Variants in SGCD observed in about 807,000 individuals in gnomAD.
The protein encoded by SGCD is delta-sarcoglycan.
In SGCD, 18 loss-of-function variants were observed where a neutral mutation model predicts 36.6. That is an observed-to-expected ratio of 0.49 (90% CI 0.34 to 0.73). The LOEUF is 0.73. Among genes scored for constraint, SGCD ranks in the 30% least tolerant of loss-of-function variants. The pLI, the probability that SGCD is intolerant of heterozygous loss-of-function variation, is 0.01. For synonymous variants in SGCD, 133 were observed against 130.6 expected, an observed-to-expected ratio of 1.02 and a Z score of -0.12; for missense variants, 387 against 346.7, an observed-to-expected ratio of 1.12 and a Z score of -0.92.
intron 1 of SGCD, among the ~76,000 whole-genome samples, chr5:155,909,763 A>G (rs1157323291): frequency 6.6e-6 from 1 of 152,170 alleles, no homozygotes; most frequent in Admixed American, 6.6e-5. Context: ...AATATATTAA[A>G]ATTCTTACTG....
the SGCD span, among the ~76,000 whole-genome samples, chr5:155,844,141 G>A: frequency 3.3e-5 from 5 of 151,940 alleles, no homozygotes; most frequent in African/African-American, 1.2e-4. Context: ...GCTTGTGAAG[G>A]CCTCACACTT....
Position 156,105,724 on chromosome 5 carries a change from C to T in SGCD, c.-281-12154C>T, listed in dbSNP as rs140129076. On this transcript the variant is annotated intron_variant, in intron 1 of 9. Transcript: ENST00000517913. ...TTTTAAATTGTTTTTCTGGTTTCTCCGTCTTAAATTTAGGACAGTGTGAAG... is the reference window on the plus strand; with the variant it reads ...TTTTAAATTGTTTTTCTGGTTTCTCTGTCTTAAATTTAGGACAGTGTGAAG... 1.1e-4 allele frequency among the ~76,000 whole-genome samples: 17 copies of T among 152,142 alleles called. No homozygotes were observed. The East Asian group carries it at 2.9e-3, about 26-fold the overall frequency.
intron 1 of SGCD, among the ~76,000 whole-genome samples, chr5:156,065,506 T>A (rs1250216968): frequency 7.7e-5 from 6 of 77,678 alleles, no homozygotes; most frequent in African/African-American, 4.3e-4. Context: ...ACTTTCTGTC[T>A]CGTTGATCTG....
chr5:156,124,779 G>A (rs569782064), intron 3 of SGCD, among the ~76,000 whole-genome samples: 4 of 152,056 alleles, frequency 2.6e-5, no homozygotes, highest in Admixed American at 2.6e-4. Flanking sequence ...GGAGGGAGGG[G>A]AGAGAGAGAA....
chr5:155,986,546 C>T (rs556756441), intron 1 of SGCD, among the ~76,000 whole-genome samples: 1 of 152,178 alleles, frequency 6.6e-6, no homozygotes, highest in South Asian at 2.1e-4. Context: ...CCTGGAACAA[C>T]CCAGGCACCA....
intron 3 of SGCD, among the ~76,000 whole-genome samples, chr5:156,432,319 T>C (rs1283819102): frequency 6.6e-6 from 1 of 152,216 alleles, no homozygotes; most frequent in East Asian, 1.9e-4. Context: ...GGTGGTGGAA[T>C]TGGCTGTTAT....
chr5:156,220,578 T>C (rs1764693151), intron 3 of SGCD, among the ~76,000 whole-genome samples: 1 of 152,182 alleles, frequency 6.6e-6, no homozygotes, highest in African/African-American at 2.4e-5. Context: ...AAATCTCTCA[T>C]GGCCTCAGTC....
chr5:156,329,934 G>A (rs1039740471), intron 2 of SGCD, among the ~76,000 whole-genome samples: 1 of 147,310 alleles, frequency 6.8e-6, no homozygotes, highest in African/African-American at 2.5e-5. Flanking sequence ...GGAGAATGGC[G>A]TGAACCCGGA....
chr5:155,759,682 G>A, the SGCD span, among the ~76,000 whole-genome samples: 6 of 152,280 alleles, frequency 3.9e-5, no homozygotes, highest in East Asian at 7.7e-4. Context: ...GATGTTCACC[G>A]TCAGGAAGTA....
At position 156,589,303 on chromosome 5, in the gene SGCD, A is replaced by G; in HGVS notation, c.367A>G (p.Thr123Ala). 6.4e-7 allele frequency: 1 copy of G among 1,568,342 alleles called. No individual in the cohort carries two copies. The highest frequency in any genetic ancestry group is 1.9e-5 in the Admixed American group (1 of 53,140). ...NILNDQTKVL[T>A]QLITGPKAVE... ...TCTCAATGACCAGACTAAAGTGCTA[A>G]CTCAGCTTATAACAGGTAAGAAAAG... The change falls in exon 5 of 9, where the codon ACT becomes GCT. Residue 123 changes from threonine (T) to alanine (A), a missense_variant. Transcript: ENST00000337851.
At chr5:156,549,927 C>T (rs1434505802) in intron 4 of SGCD, among the ~76,000 whole-genome samples, 1 of 152,176 alleles carries the variant, frequency 6.6e-6, no homozygotes, top group Non-Finnish European at 1.5e-5. Flanking sequence ...CCCTTATCAA[C>T]ATAAAAATAA....
chr5:156,416,516 TA>T lies in SGCD; in HGVS notation c.192+71848del, dbSNP rs796185590. Among the ~76,000 whole-genome samples, 532 of 151,606 alleles carry T rather than the reference TA, an allele frequency of 3.5e-3. 2 individuals carry two copies. Among genetic ancestry groups the T allele is most frequent in the African/African-American group, 0.012 (501 of 41,386 alleles). ...CCTGTTCCCCAAAACACTACTGAAA[TA>T]AAAAAAAATTTTAAATGAAAAAAAT... On this transcript the variant is annotated intron_variant, in intron 3 of 8. Coordinates refer to ENST00000337851, the MANE Select transcript of SGCD (RefSeq NM_000337.6).
chr5:155,922,551 A>G (rs1756899340), intron 1 of SGCD, among the ~76,000 whole-genome samples: 1 of 152,240 alleles, frequency 6.6e-6, no homozygotes, highest in Non-Finnish European at 1.5e-5. Context: ...AAATGGCTTA[A>G]GAACAGAATA....
At chr5:156,327,572 G>A (rs1422997916) in intron 1 of SGCD, among the ~76,000 whole-genome samples, 3 of 152,180 alleles carry the variant, frequency 2.0e-5, no homozygotes, top group African/African-American at 4.8e-5. Context: ...CCGTTCACTG[G>A]CAAGGAAGAT....
At chr5:156,264,118 T>C (rs905531344) in intron 3 of SGCD, among the ~76,000 whole-genome samples, 1 of 152,038 alleles carries the variant, frequency 6.6e-6, no homozygotes, top group African/African-American at 2.4e-5. Flanking sequence ...TATACGTATA[T>C]GTTAGAGAAG....
chr5:156,162,908 G>A lies in SGCD; in HGVS notation c.-44+38889G>A, dbSNP rs1763117967. On this transcript the variant is annotated intron_variant, in intron 3 of 9. Coordinates refer to the SGCD transcript ENST00000517913. The stretch of plus-strand genomic sequence containing the variant: ...CCACACACTAACCCTGGGGGATGAG[G>A]CAAGGCAGCCATTTATCTTCATGTC... Among the ~76,000 whole-genome samples, 3 of 151,500 alleles carry A rather than the reference G, an allele frequency of 2.0e-5. No homozygotes were observed. In the South Asian group the frequency reaches 6.2e-4, roughly 31 times the overall value.
chr5:155,741,645 T>A, the SGCD span, among the ~76,000 whole-genome samples: 1 of 151,860 alleles, frequency 6.6e-6, no homozygotes, highest in Non-Finnish European at 1.5e-5. Context: ...CACTTTCCCA[T>A]CATGGCCTGA....
Position 155,932,432 on chromosome 5 carries a change from A to G in SGCD, c.-282+62008A>G, listed in dbSNP as rs959296586. On this transcript the variant is annotated intron_variant, in intron 1 of 9. Coordinates refer to the SGCD transcript ENST00000517913. The stretch of plus-strand genomic sequence containing the variant: ...TCATCCAAAGGTATTCTCCTAGGCA[A>G]ATTTCATATCAATAGAGGTAATCAT... 2.6e-5 allele frequency among the ~76,000 whole-genome samples: 4 copies of G among 152,260 alleles called. No individual in the cohort carries two copies. In the East Asian group the frequency reaches 7.7e-4, roughly 29 times the overall value.
At chr5:156,533,741 T>G (rs1456813694) in intron 4 of SGCD, among the ~76,000 whole-genome samples, 1 of 152,214 alleles carries the variant, frequency 6.6e-6, no homozygotes, top group Non-Finnish European at 1.5e-5. Flanking sequence ...GCCTTAGGGC[T>G]TAATTACCTG....
Sources: gnomAD v4.1 joint callset for allele counts (sites outside exome capture counted in the v4.1 genomes callset) on GRCh38, gnomAD v4.1.1 for gene constraint, MANE v1.5 for transcripts, NCBI Gene and HGNC (gene_info 2026-07-23, HGNC 2026-07-21) for gene names.